GPC5: variants seen among roughly 807,000 people sequenced by gnomAD.
The protein encoded by GPC5 is glypican 5, also known as glypican-5.
GPC5 carries 47 observed loss-of-function variants against 53.9 expected under a neutral mutation model. The ratio of observed to expected loss-of-function variants is 0.87; its 90% CI spans 0.69 to 1.11. The LOEUF (loss-of-function observed/expected upper bound fraction) is 1.11, where lower values mean the gene tolerates loss of function less well. Among genes scored for constraint, GPC5 ranks in the 50% most tolerant of loss-of-function variants. The pLI is 0.00. For missense variants in GPC5, 748 were observed against 713.1 expected (o/e 1.05, Z -0.56); for synonymous variants, 286 against 263.3 (o/e 1.09, Z -0.84).
chr13:92,196,976 G>A (rs555682799), intron 7 of GPC5, among the ~76,000 whole-genome samples: 4 of 152,236 alleles, frequency 2.6e-5, no homozygotes, highest in Admixed American at 1.3e-4. Context: ...TTAAGATACC[G>A]AAAACGGTAC....
intron 5 of GPC5, among the ~76,000 whole-genome samples, chr13:91,826,908 A>C (rs1390562533): frequency 3.3e-5 from 5 of 152,048 alleles, no homozygotes; most frequent in Admixed American, 2.6e-4. Flanking sequence ...TTAAGAGTGG[A>C]AAGATGGTTA....
intron 1 of GPC5, among the ~76,000 whole-genome samples, chr13:91,430,692 A>G (rs1196743018): frequency 1.3e-5 from 2 of 152,094 alleles, no homozygotes; most frequent in Non-Finnish European, 2.9e-5. Context: ...CTAACATTAT[A>G]CTCACTCTAT....
At chr13:92,048,575 T>C (rs1465313405) in intron 6 of GPC5, among the ~76,000 whole-genome samples, 1 of 152,198 alleles carries the variant, frequency 6.6e-6, no homozygotes, top group Admixed American at 6.5e-5. Context: ...TGTGTAAGTT[T>C]TAAAAACTCA....
chr13:92,588,628 T>G (rs1883619804), intron 7 of GPC5, among the ~76,000 whole-genome samples: 1 of 152,226 alleles, frequency 6.6e-6, no homozygotes. Flanking sequence ...GCCCTGGCCC[T>G]GTCCTTTCTA....
At chr13:91,993,976 C>G (rs2040481142) in intron 6 of GPC5, among the ~76,000 whole-genome samples, 1 of 152,206 alleles carries the variant, frequency 6.6e-6, no homozygotes, top group Non-Finnish European at 1.5e-5. Flanking sequence ...GGACAAAGAA[C>G]TGCAATGACA....
intron 2 of GPC5, among the ~76,000 whole-genome samples, chr13:91,518,505 A>G (rs1885631066): frequency 6.6e-6 from 1 of 152,224 alleles, no homozygotes; most frequent in African/African-American, 2.4e-5. Flanking sequence ...AGAACAATGC[A>G]TTCAGGCAAA....
Position 92,216,519 on chromosome 13 carries a change from C to T in GPC5, c.1561+71530C>T, listed in dbSNP as rs187354190. Among the ~76,000 whole-genome samples the T allele has an allele frequency of 3.9e-3, 592 of 152,244 alleles. 3 individuals carry two copies. Among genetic ancestry groups the T allele is most frequent in the African/African-American group, 0.014 (567 of 41,540 alleles). On this transcript the variant is annotated intron_variant, in intron 7 of 7. Coordinates refer to ENST00000377067, the MANE Select transcript of GPC5 (RefSeq NM_004466.6). ...TGTGGTGATCTGGAAAGTTCAGTTC[C>T]TTGATACTATCTGAGAGGAAATTAG...
intron 7 of GPC5, among the ~76,000 whole-genome samples, chr13:92,409,456 C>T (rs1341378700): frequency 6.6e-6 from 1 of 151,940 alleles, no homozygotes; most frequent in Non-Finnish European, 1.5e-5. Context: ...TTATAAGGTG[C>T]TATGCCACAC....
chr13:91,858,855 T>C (rs946949396), intron 5 of GPC5, among the ~76,000 whole-genome samples: 4 of 152,006 alleles, frequency 2.6e-5, no homozygotes, highest in African/African-American at 4.8e-5. Flanking sequence ...TTACAGGTTT[T>C]GGATTTCTTC....
At chr13:92,403,328 A>G (rs1875642024) in intron 7 of GPC5, among the ~76,000 whole-genome samples, 1 of 152,218 alleles carries the variant, frequency 6.6e-6, no homozygotes, top group African/African-American at 2.4e-5. Context: ...ATGTTAAATC[A>G]GGGGACCCCA....
intron 2 of GPC5, among the ~76,000 whole-genome samples, chr13:91,487,334 G>A (rs760731524): frequency 2.0e-5 from 3 of 152,152 alleles, no homozygotes; most frequent in African/African-American, 2.4e-5. Context: ...GCTGAAGATG[G>A]AAATTAACTT....
chr13:91,509,230 A>T (rs1030979919), intron 2 of GPC5, among the ~76,000 whole-genome samples: 1 of 151,660 alleles, frequency 6.6e-6, no homozygotes, highest in Non-Finnish European at 1.5e-5. Flanking sequence ...TTTATTATTA[A>T]ATTGAAAATA....
intron 7 of GPC5, among the ~76,000 whole-genome samples, chr13:92,768,835 T>TATC (rs1480067954): frequency 2.0e-5 from 3 of 151,738 alleles, no homozygotes; most frequent in Non-Finnish European, 2.9e-5. Context: ...ATTTATCTAC[T>TATC]ATCTTCTCCC....
chr13:92,342,449 T>C (rs2043375043), intron 7 of GPC5, among the ~76,000 whole-genome samples: 1 of 152,072 alleles, frequency 6.6e-6, no homozygotes, highest in Non-Finnish European at 1.5e-5. Context: ...GTTTGAGTCA[T>C]GAGTCCTCCG....
chr13:92,639,318 T>TA (rs1271089406), intron 7 of GPC5, among the ~76,000 whole-genome samples: 4 of 152,234 alleles, frequency 2.6e-5, no homozygotes, highest in Non-Finnish European at 5.9e-5. Context: ...TAAAAGCTTC[T>TA]AAAAAACTAT....
At chr13:91,411,266 A>G (rs1877759873) in intron 1 of GPC5, among the ~76,000 whole-genome samples, 1 of 152,204 alleles carries the variant, frequency 6.6e-6, no homozygotes, top group Non-Finnish European at 1.5e-5. Flanking sequence ...CTAATGTCTG[A>G]TTGGCTTCAT....
chr13:92,499,999 T>C (rs1400857741), intron 7 of GPC5, among the ~76,000 whole-genome samples: 4 of 152,096 alleles, frequency 2.6e-5, no homozygotes, highest in Non-Finnish European at 4.4e-5. Flanking sequence ...TAGTGACAGA[T>C]AGATTGGAAA....
chr13:92,747,994 T>TTTTC (rs2139320560), intron 7 of GPC5, among the ~76,000 whole-genome samples: 1 of 152,266 alleles, frequency 6.6e-6, no homozygotes, highest in Non-Finnish European at 1.5e-5. Flanking sequence ...ATAACGTCAG[T>TTTTC]TTTCTTTGAA....
Position 91,918,800 on chromosome 13 carries a change from G to T in GPC5, c.1401+10743G>T, listed in dbSNP as rs1030171401. Reference sequence around the variant, plus strand: ...AATATCTTTGATTTCTTTCATTCCAGGATCTTCATGTATCTCTTTATTTCC... The same window carrying T: ...AATATCTTTGATTTCTTTCATTCCATGATCTTCATGTATCTCTTTATTTCC... On this transcript the variant is annotated intron_variant, in intron 6 of 7. Coordinates refer to ENST00000377067, the MANE Select transcript of GPC5 (RefSeq NM_004466.6). Among the ~76,000 whole-genome samples the T allele has an allele frequency of 2.6e-5, 4 of 151,824 alleles. No homozygotes were observed. In the East Asian group the frequency reaches 5.8e-4, roughly 22 times the overall value.
Sources: gnomAD v4.1 joint callset for allele counts (sites outside exome capture counted in the v4.1 genomes callset) on GRCh38, gnomAD v4.1.1 for gene constraint, MANE v1.5 for transcripts, NCBI Gene and HGNC (gene_info 2026-07-23, HGNC 2026-07-21) for gene names.